Variants in CHST11 observed in about 807,000 individuals in gnomAD.
The protein encoded by CHST11 is carbohydrate sulfotransferase 11.
Under a neutral mutation model 30.4 loss-of-function variants are expected in CHST11, and 9 were observed. That is an observed-to-expected ratio of 0.30 (90% CI 0.18 to 0.52). The LOEUF (loss-of-function observed/expected upper bound fraction) is 0.52. CHST11 is among the 20% of genes least tolerant of loss of function. CHST11 has a pLI of 0.97. For missense variants in CHST11, 348 were observed against 460.6 expected (o/e 0.76, Z 2.24); for synonymous variants, 152 against 187.8 (o/e 0.81, Z 1.56).
intron 2 of CHST11, among the ~76,000 whole-genome samples, chr12:104,728,465 T>C (rs1330767408): frequency 6.6e-6 from 1 of 150,916 alleles, no homozygotes; most frequent in East Asian, 1.9e-4. Context: ...AAACAAAAAC[T>C]GAGTTGTTCT....
chr12:104,688,666 G>A (rs2039870252), intron 2 of CHST11, among the ~76,000 whole-genome samples: 1 of 152,210 alleles, frequency 6.6e-6, no homozygotes, highest in South Asian at 2.1e-4. Flanking sequence ...CCTTAAGGAT[G>A]TTCACACAGG....
chr12:104,513,138 T>TGGGGGGGGGGGGGGGGG (rs1565969843), intron 1 of CHST11, among the ~76,000 whole-genome samples: 1 of 3,338 alleles, frequency 3.0e-4, no homozygotes, highest in Non-Finnish European at 5.8e-4. Context: ...GGGGGGGGGG[T>TGGGGGGGGGGGGGGGGG]TGGGGGTGGG....
rs917557111 is a variant in CHST11, at chr12:104,731,442, G to A, written c.205-25507G>A. Among the ~76,000 whole-genome samples, 3 of 152,226 alleles carry A rather than the reference G, an allele frequency of 2.0e-5. No individual in the cohort carries two copies. In the East Asian group the frequency reaches 5.8e-4, roughly 29 times the overall value. ...AGAGTAAGTCCTGCTTGGGCTGGAA[G>A]TATGAAAACAGACCTGAAAGGCTTC... On this transcript the variant is annotated intron_variant, in intron 2 of 2. Coordinates refer to ENST00000303694, the MANE Select transcript of CHST11 (RefSeq NM_018413.6).
chr12:104,659,804 C>T (rs1205587722), intron 2 of CHST11, among the ~76,000 whole-genome samples: 2 of 150,524 alleles, frequency 1.3e-5, no homozygotes, highest in Non-Finnish European at 3.0e-5. Flanking sequence ...CCCCCCGCCC[C>T]CACCATCTCT....
Position 104,753,976 on chromosome 12 carries a change from A to G in CHST11, c.205-2973A>G, listed in dbSNP as rs143167347. Among the ~76,000 whole-genome samples, 537 of 152,288 alleles carry G rather than the reference A, an allele frequency of 3.5e-3. 3 individuals carry two copies. Among genetic ancestry groups the G allele is most frequent in the African/African-American group, 0.012 (490 of 41,540 alleles). On this transcript the variant is annotated intron_variant, in intron 2 of 2. Coordinates refer to ENST00000303694, the MANE Select transcript of CHST11 (RefSeq NM_018413.6). ...GGCCCCATATTTGGGTCATAATAACATGCAAACTGGATCCGTGGTTCAGTA... is the reference window on the plus strand; with the variant it reads ...GGCCCCATATTTGGGTCATAATAACGTGCAAACTGGATCCGTGGTTCAGTA...
intron 2 of CHST11, among the ~76,000 whole-genome samples, chr12:104,641,144 C>A (rs1297566425): frequency 6.6e-6 from 1 of 152,164 alleles, no homozygotes; most frequent in Non-Finnish European, 1.5e-5. Context: ...CTTTTTAGCT[C>A]CCCTTCCTGC....
At chr12:104,575,038 A>G (rs1192642772) in intron 1 of CHST11, among the ~76,000 whole-genome samples, 3 of 151,984 alleles carry the variant, frequency 2.0e-5, no homozygotes, top group Non-Finnish European at 2.9e-5. Context: ...CTGAAAATAC[A>G]AAGAAATGAG....
intron 2 of CHST11, among the ~76,000 whole-genome samples, chr12:104,723,000 G>A (rs1344794436): frequency 1.3e-5 from 2 of 152,128 alleles, no homozygotes; most frequent in Non-Finnish European, 2.9e-5. Context: ...TCTCAGGGGG[G>A]TGGTGCTGGC....
chr12:104,574,305 A>C (rs1240692150), intron 1 of CHST11, among the ~76,000 whole-genome samples: 1 of 152,138 alleles, frequency 6.6e-6, no homozygotes, highest in South Asian at 2.1e-4. Flanking sequence ...CAGTGTGGCG[A>C]TTCCTCAGGG....
At chr12:104,555,313 T>A (rs1457216522) in intron 1 of CHST11, among the ~76,000 whole-genome samples, 1 of 152,100 alleles carries the variant, frequency 6.6e-6, no homozygotes, top group African/African-American at 2.4e-5. Context: ...GGAGTGGAGA[T>A]GAGTAGGGTA....
At chr12:104,508,552 A>G (rs1426928409) in intron 1 of CHST11, among the ~76,000 whole-genome samples, 2 of 152,186 alleles carry the variant, frequency 1.3e-5, no homozygotes, top group Non-Finnish European at 2.9e-5. Context: ...AGCAAAATAA[A>G]CCTTTTTAAC....
intron 2 of CHST11, among the ~76,000 whole-genome samples, chr12:104,734,325 C>A (rs559491423): frequency 1.6e-4 from 24 of 152,332 alleles, no homozygotes; most frequent in African/African-American, 5.8e-4. Flanking sequence ...TGGTTGGCCT[C>A]AGGATCACAG....
At chr12:104,487,499 C>T (rs1385577138) in intron 1 of CHST11, among the ~76,000 whole-genome samples, 2 of 152,192 alleles carry the variant, frequency 1.3e-5, no homozygotes, top group Non-Finnish European at 2.9e-5. Flanking sequence ...TGAGCTCAAG[C>T]GATGCTCCCG....
At chr12:104,648,365 C>A (rs1369438454) in intron 2 of CHST11, among the ~76,000 whole-genome samples, 1 of 152,216 alleles carries the variant, frequency 6.6e-6, no homozygotes, top group Non-Finnish European at 1.5e-5. Context: ...TGGGGCCATA[C>A]CCAAAGCTGC....
chr12:104,626,101 C>A (rs1160041461), intron 2 of CHST11, among the ~76,000 whole-genome samples: 2 of 152,132 alleles, frequency 1.3e-5, no homozygotes, highest in Admixed American at 6.5e-5. Context: ...AGGACACCAG[C>A]CTAAAACACG....
intron 2 of CHST11, among the ~76,000 whole-genome samples, chr12:104,672,213 G>T (rs970614045): frequency 4.6e-5 from 7 of 151,228 alleles, no homozygotes; most frequent in African/African-American, 1.7e-4. Flanking sequence ...GGCCTGCACA[G>T]GGGGGTGGAC....
intron 2 of CHST11, among the ~76,000 whole-genome samples, chr12:104,624,237 G>T (rs539900147): frequency 6.6e-6 from 1 of 152,178 alleles, no homozygotes; most frequent in Non-Finnish European, 1.5e-5. Context: ...AAAGGGGTTG[G>T]TGCATAATCG....
rs1160104860 is a variant in CHST11, at chr12:104,514,346, G to A, written c.118+56817G>A. The stretch of plus-strand genomic sequence containing the variant: ...CCAGAAACCTGTCTCTCAAGCAGCA[G>A]CTCTTCTTCTATGCCATTCTGGGCT... On this transcript the variant is annotated intron_variant, in intron 1 of 2. Transcript: ENST00000303694. 3.1e-6 allele frequency: 3 copies of A among 957,862 alleles called. No homozygotes were observed. The Admixed American group carries it at 5.1e-5, about 16-fold the overall frequency. The allele number at this position is 957,862 out of a possible 1,614,324, so 59.3% of individuals were successfully genotyped here. A position where few individuals can be genotyped will look rare whatever the true frequency, so the allele number is the denominator to read the frequency against.
At chr12:104,562,587 C>G (rs546532408) in intron 1 of CHST11, among the ~76,000 whole-genome samples, 9 of 152,318 alleles carry the variant, frequency 5.9e-5, no homozygotes, top group African/African-American at 2.2e-4. Flanking sequence ...GAATTCAGCA[C>G]CCATTTCTCA....
Sources: allele counts gnomAD v4.1 joint callset (sites outside exome capture counted in the v4.1 genomes callset), GRCh38; gene constraint gnomAD v4.1.1; transcripts MANE v1.5; gene names NCBI Gene and HGNC (gene_info 2026-07-23, HGNC 2026-07-21).